The following MFSD12 variants were observed in gnomAD, a reference collection of about 807,000 sequenced individuals.
The protein encoded by MFSD12 is major facilitator superfamily domain-containing protein 12.
Under a neutral mutation model 51.2 loss-of-function variants are expected in MFSD12, and 67 were observed. The ratio of observed to expected loss-of-function variants is 1.31; its 90% CI spans 1.08 to 1.60. The LOEUF (loss-of-function observed/expected upper bound fraction) is 1.60, where lower values mean the gene tolerates loss of function less well. Ranked by LOEUF, MFSD12 falls within the 40% of genes most tolerant of loss-of-function variation. The probability of loss-of-function intolerance (pLI) is 0.00; values close to 1 mark genes in which losing one functional copy is unlikely to be tolerated. For synonymous variants in MFSD12, 441 were observed against 316.7 expected (o/e 1.39, Z -4.17); for missense variants, 921 against 673.0 (o/e 1.37, Z -4.08).
intron 8 of MFSD12, among the ~76,000 whole-genome samples, chr19:3,545,353 C>CTAAG (rs1173044450): frequency 6.6e-6 from 1 of 152,206 alleles, no homozygotes; most frequent in Non-Finnish European, 1.5e-5. Flanking sequence ...GTCAAATCCC[C>CTAAG]TAAGTCCTCC....
At chr19:3,543,452 C>G (rs764089535), downstream of MFSD12, 2 of 1,541,460 alleles carry the variant, frequency 1.3e-6, no homozygotes, top group East Asian at 2.5e-5. Flanking sequence ...CTACCAACAC[C>G]GTGAGTGCAG....
At chr19:3,553,473 G>GA (rs59871101) in intron 1 of MFSD12, among the ~76,000 whole-genome samples, 139,709 of 140,744 alleles carry the variant, frequency 0.99, 69,342 homozygotes, top group African/African-American at 1. Flanking sequence ...ACCCTGTCAA[G>GA]AAAAAAAAAA....
At chr19:3,542,901 C>T (rs374371865), downstream of MFSD12, 1 of 1,419,424 alleles carries the variant, frequency 7.0e-7, no homozygotes, top group Non-Finnish European at 9.5e-7. Flanking sequence ...GTCTTGGAGG[C>T]TGGACAAGGA....
Position 3,546,147 on chromosome 19 carries a change from C to G in MFSD12, c.1216G>C (p.Gly406Arg). The change falls in exon 8 of 10, where the codon GGC becomes CGC. Residue 406 changes from glycine to arginine, a missense_variant. Coordinates refer to ENST00000355415, the MANE Select transcript of MFSD12 (RefSeq NM_174983.5). Reference protein sequence around the residue: ...PHTNSGAFVYGSMSFLDKVAN... With the variant: ...PHTNSGAFVYRSMSFLDKVAN... ...ACCTTATCCAAGAAGCTCATGGAGC[C>G]GTACACGAACGCTCCGCTGTTCTGT... The G allele has an allele frequency of 6.2e-7, 1 of 1,613,176 alleles. No individual in the cohort carries two copies.
chr19:3,552,156 GC>G (rs1423212630), intron 1 of MFSD12, among the ~76,000 whole-genome samples: 5 of 151,922 alleles, frequency 3.3e-5, no homozygotes, highest in African/African-American at 1.2e-4. Context: ...TGGAACTCGG[GC>G]ATTTCAATAT....
downstream of MFSD12, chr19:3,543,634 G>T: frequency 6.5e-7 from 1 of 1,544,326 alleles, no homozygotes; most frequent in Non-Finnish European, 8.7e-7. Context: ...GCACCCGGTG[G>T]GGGAGCGCGC....
chr19:3,547,946 C>T lies in MFSD12; in HGVS notation c.739G>A (p.Ala247Thr). ...GGGGTGTGCTCGCCTGGCTCCTCCG[C>T]ATGCGGCCGGCGCCTCTCCCGGGTG... Reference protein sequence around the residue: ...LGTRERRRPHAEEPGEHTPLL... With the variant: ...LGTRERRRPHTEEPGEHTPLL... Residue 247 changes from alanine to threonine, a missense_variant, in exon 4 of 10, where the codon GCG becomes ACG. Transcript: ENST00000355415. 3 of 1,594,416 alleles carry T rather than the reference C, an allele frequency of 1.9e-6. No homozygotes were observed. The South Asian group carries it at 3.3e-5, about 18-fold the overall frequency.
At chr19:3,539,793 C>T (rs1568246926), downstream of MFSD12, 1 of 154,926 alleles carries the variant, frequency 6.5e-6, no homozygotes. Flanking sequence ...AAACCATTTC[C>T]AAACAAGGCC....
At chr19:3,554,498 G>C (rs765753269) in intron 1 of MFSD12, among the ~76,000 whole-genome samples, 2 of 151,734 alleles carry the variant, frequency 1.3e-5, no homozygotes, top group Non-Finnish European at 2.9e-5. Flanking sequence ...AGGCTGCTGT[G>C]AGGATAGAGT....
At position 3,555,420 on chromosome 19, in the gene MFSD12, G is replaced by A. The variant is rs571863201; in HGVS notation, c.298+1686C>T. ...GGCCCGCCCAGAAATTATCTTACGC[G>A]ACTGTCAAAGAGCTTATCCAACTAT... On this transcript the variant is annotated intron_variant, in intron 1 of 9. Coordinates refer to ENST00000355415, the MANE Select transcript of MFSD12 (RefSeq NM_174983.5). Among the ~76,000 whole-genome samples, 11 of 152,134 alleles carry A rather than the reference G, an allele frequency of 7.2e-5. No individual in the cohort carries two copies. In the South Asian group the frequency reaches 1.0e-3, roughly 14 times the overall value.
chr19:3,555,315 C>G (rs1193737632), intron 1 of MFSD12, among the ~76,000 whole-genome samples: 1 of 152,166 alleles, frequency 6.6e-6, no homozygotes, highest in Non-Finnish European at 1.5e-5. Flanking sequence ...GCCATGTTGG[C>G]CAGGTTGGTC....
At chr19:3,550,722 A>G (rs2031425104) in intron 2 of MFSD12, among the ~76,000 whole-genome samples, 1 of 151,862 alleles carries the variant, frequency 6.6e-6, no homozygotes, top group African/African-American at 2.4e-5. Flanking sequence ...GTGTAGTGAC[A>G]TACTCCTGTA....
chr19:3,541,573 G>A (rs970932619), downstream of MFSD12: 14 of 787,130 alleles, frequency 1.8e-5, no homozygotes, highest in Non-Finnish European at 2.0e-5. Context: ...CGCCTGCCTC[G>A]GCCTCCCACA....
intron 1 of MFSD12, among the ~76,000 whole-genome samples, chr19:3,555,747 T>C (rs1599843000): frequency 2.0e-5 from 3 of 152,316 alleles, no homozygotes; most frequent in Middle Eastern, 6.8e-3. Flanking sequence ...CTGCCCCTCC[T>C]GCCACCTGGA....
Position 3,551,093 on chromosome 19 carries a change from A to G in MFSD12, c.400T>C (p.Phe134Leu), listed in dbSNP as rs761433238. Reference sequence around the variant, plus strand: ...CAGCCAAACTGGAAGATCACGATGAACGGGCCGTAGTAGAGGAGGGCAGCC... The same window carrying G: ...CAGCCAAACTGGAAGATCACGATGAGCGGGCCGTAGTAGAGGAGGGCAGCC... ...EWAALLYYGPFIVIFQFGWAS... is the reference protein window; with the variant it reads ...EWAALLYYGPLIVIFQFGWAS... The change falls in exon 2 of 10, where the codon TTC becomes CTC. Residue 134 changes from phenylalanine (F) to leucine (L), a missense_variant. Coordinates refer to ENST00000355415, the MANE Select transcript of MFSD12 (RefSeq NM_174983.5). This position sits in a 1 kb window ranked among gnomAD's most constrained non-coding sequence, Gnocchi z 4.6. 3.1e-6 allele frequency: 5 copies of G among 1,613,104 alleles called. No homozygotes were observed. The Middle Eastern group carries it at 6.6e-4, about 214-fold the overall frequency.
At chr19:3,553,120 C>T (rs1303015126) in intron 1 of MFSD12, among the ~76,000 whole-genome samples, 5 of 152,104 alleles carry the variant, frequency 3.3e-5, no homozygotes, top group African/African-American at 1.2e-4. Context: ...GGAGGGTTTG[C>T]GCAGATTCCT....
In MFSD12 at chr19:3,549,671, C is replaced by T. The variant is rs936501865; in HGVS notation, c.509+1313G>A. On this transcript the variant is annotated intron_variant, in intron 2 of 9. Coordinates refer to ENST00000355415, the MANE Select transcript of MFSD12 (RefSeq NM_174983.5). ...CCAGGAGGCAGAGGTTGCAGTGAGCCGAGATGGCGCCACTGCACTCCAGCC... is the reference window on the plus strand; with the variant it reads ...CCAGGAGGCAGAGGTTGCAGTGAGCTGAGATGGCGCCACTGCACTCCAGCC... 2.1e-5 allele frequency among the ~76,000 whole-genome samples: 3 copies of T among 146,142 alleles called. No individual in the cohort carries two copies. In the Admixed American group the frequency reaches 2.2e-4, roughly 10 times the overall value.
In MFSD12 at chr19:3,544,660, C is replaced by T. The variant is rs1340702525; in HGVS notation, c.*50G>A. The T allele has an allele frequency of 1.8e-5, 28 of 1,551,372 alleles. No homozygotes were observed. Among genetic ancestry groups the T allele is most frequent in the African/African-American group, 2.7e-5 (2 of 73,802 alleles). On this transcript the variant is annotated 3_prime_UTR_variant, in exon 10 of 10. Coordinates refer to ENST00000355415, the MANE Select transcript of MFSD12 (RefSeq NM_174983.5). Reference sequence around the variant, plus strand: ...TTTCCCCAAGGCCCTGGGGGGCATCCTCGTGCGTCCCCACAGTTCCCTTGC... The same window carrying T: ...TTTCCCCAAGGCCCTGGGGGGCATCTTCGTGCGTCCCCACAGTTCCCTTGC...
At chr19:3,548,457 C>G (rs181257026) in intron 2 of MFSD12, among the ~76,000 whole-genome samples, 190 bp from the exon 3 acceptor site, 2 of 152,204 alleles carry the variant, frequency 1.3e-5, no homozygotes, top group African/African-American at 4.8e-5. Flanking sequence ...TTACCTAACG[C>G]GGGAAAGCTG....
Sources: gnomAD v4.1 joint callset for allele counts (sites outside exome capture counted in the v4.1 genomes callset) on GRCh38, gnomAD v4.1.1 for gene constraint, Gnocchi (gnomAD v3.1) non-coding constraint, MANE v1.5 for transcripts, NCBI Gene and HGNC (gene_info 2026-07-23, HGNC 2026-07-21) for gene names.